The following PCDH11Y variants were observed in gnomAD, a reference collection of about 807,000 sequenced individuals.
PCDH11Y encodes the protein protocadherin 11 Y-linked.
For missense variants in PCDH11Y, 12 were observed against 224.8 expected, an observed-to-expected ratio of 0.05 and a Z score of 6.05; for synonymous variants, 9 against 83.6, an observed-to-expected ratio of 0.11 and a Z score of 4.87.
chrY:5,651,733 T>TA (rs2053531394), intron 4 of PCDH11Y, among the ~76,000 whole-genome samples: 1 of 30,942 alleles, frequency 3.2e-5, no homozygotes, highest in Non-Finnish European at 7.8e-5. Context: ...TAGGTTCATG[T>TA]AAAAAAACAA....
At chrY:5,715,140 T>C in intron 4 of PCDH11Y, among the ~76,000 whole-genome samples, 1 of 33,956 alleles carries the variant, frequency 2.9e-5, no homozygotes, top group Non-Finnish European at 7.3e-5. Context: ...CCGAAGATGG[T>C]ATATTTAATT....
intron 2 of PCDH11Y, among the ~76,000 whole-genome samples, chrY:5,127,189 T>A (rs1602872299): frequency 6.5e-5 from 2 of 30,950 alleles, no homozygotes; most frequent in African/African-American, 2.5e-4. Flanking sequence ...TTTTTTGTTG[T>A]TTATTATTAT....
At chrY:5,046,735 C>G in intron 3 of PCDH11Y, among the ~76,000 whole-genome samples, 2 of 33,259 alleles carry the variant, frequency 6.0e-5, no homozygotes, top group Admixed American at 5.3e-4. Context: ...GCAGTTTGAT[C>G]TCAGACTGCT....
At chrY:5,129,478 C>CAGAGAGAGAGAGAGAG (rs60771778) in intron 2 of PCDH11Y, among the ~76,000 whole-genome samples, 1 of 12,475 alleles carries the variant, frequency 8.0e-5, no homozygotes, top group Non-Finnish European at 1.4e-4. Flanking sequence ...CACACACACA[C>CAGAGAGAGAGAGAGAG]AGAGAGAGAG....
chrY:5,557,207 G>A, intron 3 of PCDH11Y, among the ~76,000 whole-genome samples: 1 of 33,081 alleles, frequency 3.0e-5, no homozygotes, highest in South Asian at 6.7e-4. Flanking sequence ...TGTAAAAAAT[G>A]ATGTTGGTAT....
chrY:5,072,022 C>T, intron 1 of PCDH11Y, among the ~76,000 whole-genome samples: 1 of 33,277 alleles, frequency 3.0e-5, no homozygotes, highest in Non-Finnish European at 7.5e-5. Flanking sequence ...TGTTACAAAA[C>T]GTTTTTGTGG....
chrY:5,397,336 CATTCAGT>C (rs2053228501), intron 2 of PCDH11Y, among the ~76,000 whole-genome samples: 3 of 29,510 alleles, frequency 1.0e-4, no homozygotes, highest in Non-Finnish European at 2.4e-4. Flanking sequence ...ACTGCATAGA[CATTCAGT>C]TAGGATTTTC....
chrY:5,272,982 T>C, intron 2 of PCDH11Y, among the ~76,000 whole-genome samples: 2 of 33,385 alleles, frequency 6.0e-5, no homozygotes, highest in African/African-American at 2.3e-4. Context: ...AAAAAGCTTT[T>C]ATTTAAAGAA....
intron 2 of PCDH11Y, among the ~76,000 whole-genome samples, chrY:5,461,304 G>A (rs2053303045): frequency 3.0e-5 from 1 of 33,081 alleles, no homozygotes; most frequent in East Asian, 7.9e-4. Context: ...ATGTGTACAA[G>A]CTCAGACATA....
intron 2 of PCDH11Y, among the ~76,000 whole-genome samples, chrY:5,455,919 A>G: frequency 3.0e-5 from 1 of 33,631 alleles, no homozygotes; most frequent in African/African-American, 1.2e-4. Context: ...GTGGGGACAC[A>G]TATCCAAACT....
At chrY:5,266,321 G>C in intron 2 of PCDH11Y, among the ~76,000 whole-genome samples, 1 of 32,973 alleles carries the variant, frequency 3.0e-5, no homozygotes, top group Non-Finnish European at 7.4e-5. Flanking sequence ...CAGATCACGA[G>C]CTCAGGAGTT....
chrY:5,481,477 C>T (rs2053325654), intron 2 of PCDH11Y, among the ~76,000 whole-genome samples: 22 of 32,791 alleles, frequency 6.7e-4, no homozygotes, highest in Admixed American at 2.4e-3. Flanking sequence ...TGTGCCTATT[C>T]GGCCACCTTG....
chrY:5,720,748 G>A, intron 4 of PCDH11Y, among the ~76,000 whole-genome samples: 2 of 32,409 alleles, frequency 6.2e-5, no homozygotes, highest in Non-Finnish European at 1.5e-4. Flanking sequence ...AAATGGAGAA[G>A]CACTTATTCT....
At chrY:5,106,196 T>G, downstream of PCDH11Y, among the ~76,000 whole-genome samples, 5 of 33,243 alleles carry the variant, frequency 1.5e-4, no homozygotes, top group Admixed American at 1.4e-3. Context: ...AAATCATGAT[T>G]TATTGGGATA....
chrY:5,437,145 C>T (rs376566538), intron 2 of PCDH11Y, among the ~76,000 whole-genome samples: 2 of 32,875 alleles, frequency 6.1e-5, no homozygotes, highest in Non-Finnish European at 1.5e-4. Context: ...TGAGTAATGA[C>T]GCTATCCTTT....
intron 2 of PCDH11Y, among the ~76,000 whole-genome samples, chrY:5,246,928 AG>A (rs2052996599): frequency 6.1e-5 from 2 of 32,977 alleles, no homozygotes; most frequent in Non-Finnish European, 1.5e-4. Flanking sequence ...AACAAAAAGC[AG>A]GGGTTGCCAT....
chrY:5,569,481 CT>C, intron 3 of PCDH11Y, among the ~76,000 whole-genome samples: 2 of 33,573 alleles, frequency 6.0e-5, no homozygotes, highest in African/African-American at 2.3e-4. Flanking sequence ...GTTAATTCTA[CT>C]TTTTAAAAGT....
intron 1 of PCDH11Y, among the ~76,000 whole-genome samples, chrY:5,061,654 A>G: frequency 3.0e-5 from 1 of 33,292 alleles, no homozygotes. Context: ...TCCGTGGCAT[A>G]TATCAACAGT....
At chrY:5,291,771 T>C (rs2053068006) in intron 2 of PCDH11Y, among the ~76,000 whole-genome samples, 1 of 33,847 alleles carries the variant, frequency 3.0e-5, no homozygotes, top group African/African-American at 1.2e-4. Flanking sequence ...TTGCTCTAGC[T>C]AGCACTTCTC....
Sources: gnomAD v4.1 joint callset for allele counts (sites outside exome capture counted in the v4.1 genomes callset) on GRCh38, gnomAD v4.1.1 for gene constraint, MANE v1.5 for transcripts, NCBI Gene and HGNC (gene_info 2026-07-23, HGNC 2026-07-21) for gene names.